PPP6R2: variants seen among roughly 807,000 people sequenced by gnomAD.
PPP6R2 encodes protein phosphatase 6 regulatory subunit 2, also known as serine/threonine-protein phosphatase 6 regulatory subunit 2.
In PPP6R2, 62 loss-of-function variants were observed where a neutral mutation model predicts 100.2. The observed-to-expected ratio is 0.62, with a 90% confidence interval of 0.50 to 0.76. The LOEUF (loss-of-function observed/expected upper bound fraction) is 0.76, where lower values mean the gene tolerates loss of function less well. PPP6R2 is among the 30% of genes least tolerant of loss of function. The probability of loss-of-function intolerance (pLI) is 0.00; values close to 1 mark genes in which losing one functional copy is unlikely to be tolerated. For missense variants in PPP6R2, 1,142 were observed against 1,276.3 expected (o/e 0.89, Z 1.60); for synonymous variants, 525 against 514.7 (o/e 1.02, Z -0.27).
chr22:50,424,633 CTTTT>C (rs71198247), intron 10 of PPP6R2, among the ~76,000 whole-genome samples: 1 of 74,250 alleles, frequency 1.3e-5, no homozygotes, highest in Non-Finnish European at 2.5e-5. Context: ...CCCTCTTCTT[CTTTT>C]TTTTTTTTTT....
rs1455548545 is a variant in PPP6R2 at position 50,439,639 on chromosome 22, C to T, written c.2129-62C>T. 6.9e-6 allele frequency: 10 copies of T among 1,458,750 alleles called. No homozygotes were observed. In the African/African-American group the frequency reaches 1.0e-4, roughly 15 times the overall value. The allele number at this position is 1,458,750 out of a possible 1,614,324, so 90.4% of individuals were successfully genotyped here. On this transcript the variant is annotated intron_variant, in intron 19 of 23. Coordinates refer to ENST00000612753, the MANE Select transcript of PPP6R2 (RefSeq NM_001242898.2). ...GGCTCCCGGGGCAGGGGCGCTGCCT[C>T]CCCTTTGCCTGCAGCACCCCAGGCC...
intron 10 of PPP6R2, among the ~76,000 whole-genome samples, chr22:50,425,067 C>A (rs1390945306): frequency 6.6e-6 from 1 of 152,202 alleles, no homozygotes; most frequent in Non-Finnish European, 1.5e-5. Context: ...AGTGCATTCA[C>A]AATCTTGTAT....
intron 1 of PPP6R2, among the ~76,000 whole-genome samples, chr22:50,356,266 C>G (rs961760649): frequency 6.6e-6 from 1 of 151,648 alleles, no homozygotes; most frequent in Admixed American, 6.6e-5. Context: ...GCCCGGCCTT[C>G]CCTCTTCTTT....
At position 50,438,267 on chromosome 22, in the gene PPP6R2, C is replaced by G; in HGVS notation, c.1933C>G (p.Arg645Gly). The change falls in exon 18 of 24, where the codon CGC becomes GGC. Residue 645 changes from arginine (R) to glycine (G), a missense_variant. Arg to Gly is a moderately radical substitution (Grantham distance 125, BLOSUM62 -2). Coordinates refer to ENST00000612753, the MANE Select transcript of PPP6R2 (RefSeq NM_001242898.2). ...DEDIWEDSDTRCAARVMARPR... is the reference protein window; with the variant it reads ...DEDIWEDSDTGCAARVMARPR... Reference sequence around the variant, plus strand: ...GGACATCTGGGAGGACAGTGACACTCGCTGTGCTGCCCGGGTGATGGCCAG... The same window carrying G: ...GGACATCTGGGAGGACAGTGACACTGGCTGTGCTGCCCGGGTGATGGCCAG... 1 of 1,613,678 alleles carries G rather than the reference C, an allele frequency of 6.2e-7. No individual in the cohort carries two copies. Among genetic ancestry groups the G allele is most frequent in the Non-Finnish European group, 8.5e-7 (1 of 1,179,922 alleles).
chr22:50,331,867 G>T, the PPP6R2 span, among the ~76,000 whole-genome samples: 1 of 152,102 alleles, frequency 6.6e-6, no homozygotes, highest in Admixed American at 6.6e-5. Flanking sequence ...TGATCCACCC[G>T]CCTTGGCCTC....
intron 13 of PPP6R2, 92 bp from the exon 14 acceptor site, chr22:50,436,275 C>A: frequency 1.7e-6 from 2 of 1,156,152 alleles, no homozygotes; most frequent in Non-Finnish European, 2.5e-6. Context: ...CCCATCCTCC[C>A]GGACCCAGGA....
At chr22:50,396,612 T>C (rs1289415385) in intron 3 of PPP6R2, among the ~76,000 whole-genome samples, 1 of 152,238 alleles carries the variant, frequency 6.6e-6, no homozygotes, top group East Asian at 1.9e-4. Flanking sequence ...CTCATCCACG[T>C]CTCATAGCGT....
intron 1 of PPP6R2, among the ~76,000 whole-genome samples, 161 bp downstream of exon 1, chr22:50,343,711 TGCCCCCCCCAAGTCAGTCAGTGCCCCC>T (rs2042726668): frequency 2.8e-5 from 2 of 71,346 alleles, no homozygotes; most frequent in Non-Finnish European, 5.0e-5. Flanking sequence ...CCGGAGTCAG[TGCCCCCCCCAAGTCAGTCAGTGCCCCC>T]TCCAGTCAGT....
intron 21 of PPP6R2, 97 bp downstream of exon 21, chr22:50,440,146 G>T (rs188621239): frequency 8.8e-7 from 1 of 1,133,222 alleles, no homozygotes; most frequent in African/African-American, 1.6e-5. Flanking sequence ...GGAGGTGGCC[G>T]GGGCCTCGCA....
upstream of PPP6R2, among the ~76,000 whole-genome samples, chr22:50,339,927 GGT>G (rs1313930307): frequency 1.1e-5 from 1 of 93,846 alleles, no homozygotes; most frequent in Non-Finnish European, 2.2e-5. Flanking sequence ...GTGTGTGTGG[GGT>G]GTGTGGTGTG....
intron 10 of PPP6R2, among the ~76,000 whole-genome samples, chr22:50,426,704 A>G (rs5770967): frequency 0.38 from 58,313 of 151,712 alleles, 11,624 homozygotes; most frequent in East Asian, 0.67. Context: ...GCATGGTGGC[A>G]GCGCCTGTAA....
intron 10 of PPP6R2, among the ~76,000 whole-genome samples, chr22:50,428,663 C>T (rs1376244837): frequency 1.3e-5 from 2 of 151,812 alleles, no homozygotes; most frequent in African/African-American, 2.4e-5. Context: ...GCTGCAGAGC[C>T]GAGATCACGC....
chr22:50,405,537 G>C (rs557720272), intron 3 of PPP6R2, among the ~76,000 whole-genome samples: 1 of 140,594 alleles, frequency 7.1e-6, no homozygotes, highest in East Asian at 2.2e-4. Context: ...CCTGGAGAGA[G>C]GTAAGAGGCC....
chr22:50,431,473 G>A lies in PPP6R2; in HGVS notation c.1335+91G>A. On this transcript the variant is annotated intron_variant, in intron 11 of 23. Coordinates refer to ENST00000612753, the MANE Select transcript of PPP6R2 (RefSeq NM_001242898.2). This position sits in a 1 kb window ranked among gnomAD's most constrained non-coding sequence, Gnocchi z 4.8. ...GCGCTGACGTGTGCCGGACCTCACTGTGCAGCTGACACGGGGGCAGGGCTT... is the reference window on the plus strand; with the variant it reads ...GCGCTGACGTGTGCCGGACCTCACTATGCAGCTGACACGGGGGCAGGGCTT... 1 of 1,203,696 alleles carries A rather than the reference G, an allele frequency of 8.3e-7. No individual in the cohort carries two copies. The highest frequency in any genetic ancestry group is 1.2e-6 in the Non-Finnish European group (1 of 855,384). 74.6% of individuals were successfully genotyped at this position (1,203,696 alleles called of 1,614,324 possible).
At chr22:50,342,430 C>G (rs1029509567), upstream of PPP6R2, among the ~76,000 whole-genome samples, 3 of 152,214 alleles carry the variant, frequency 2.0e-5, no homozygotes, top group Non-Finnish European at 4.4e-5. Context: ...CGGGGAAGCC[C>G]GGGGCCGCCA....
At chr22:50,385,886 C>T (rs572632879) in intron 2 of PPP6R2, among the ~76,000 whole-genome samples, 8 of 130,728 alleles carry the variant, frequency 6.1e-5, no homozygotes, top group African/African-American at 1.2e-4. Context: ...TGCAGTGACT[C>T]GATCTAGGCT....
intron 10 of PPP6R2, among the ~76,000 whole-genome samples, chr22:50,425,354 A>T (rs2061948014): frequency 6.6e-6 from 1 of 152,214 alleles, no homozygotes; most frequent in Admixed American, 6.5e-5. Context: ...AGGCTGAAAA[A>T]TTACTGTGTG....
chr22:50,444,503 A>G lies in PPP6R2; in HGVS notation c.*256A>G, dbSNP rs1237324460. ...CCGCCCCCAAGCCCAGAGCACAGCAATAAGGTCGGCCTGCAGGAGCCGGGG... is the reference window on the plus strand; with the variant it reads ...CCGCCCCCAAGCCCAGAGCACAGCAGTAAGGTCGGCCTGCAGGAGCCGGGG... On this transcript the variant is annotated 3_prime_UTR_variant, in exon 24 of 24. Coordinates refer to ENST00000612753, the MANE Select transcript of PPP6R2 (RefSeq NM_001242898.2). 7 of 305,108 alleles carry G rather than the reference A, an allele frequency of 2.3e-5. No homozygotes were observed. Among genetic ancestry groups the G allele is most frequent in the South Asian group, 2.2e-4 (6 of 27,288 alleles). The allele number at this position is 305,108 out of a possible 1,614,324, so 18.9% of individuals were successfully genotyped here.
At chr22:50,335,864 G>A in the PPP6R2 span, among the ~76,000 whole-genome samples, 2 of 143,034 alleles carry the variant, frequency 1.4e-5, 1 homozygote, top group African/African-American at 5.5e-5. Context: ...TTTTAGTAGA[G>A]ATGAGGTTTC....
Sources: gnomAD v4.1 joint callset for allele counts (sites outside exome capture counted in the v4.1 genomes callset) on GRCh38, gnomAD v4.1.1 for gene constraint, Gnocchi (gnomAD v3.1) non-coding constraint, MANE v1.5 for transcripts, NCBI Gene and HGNC (gene_info 2026-07-23, HGNC 2026-07-21) for gene names.